The following LRRC8C variants were observed in gnomAD, a reference collection of about 807,000 sequenced individuals.
LRRC8C encodes the protein volume-regulated anion channel subunit LRRC8C.
In LRRC8C, 20 loss-of-function variants were observed where a neutral mutation model predicts 55.3. That is an observed-to-expected ratio of 0.36 (90% CI 0.25 to 0.53). LRRC8C has a LOEUF of 0.53. LRRC8C is among the 20% of genes least tolerant of loss of function. The pLI, the probability that LRRC8C is intolerant of heterozygous loss-of-function variation, is 0.92. For missense variants in LRRC8C, 659 were observed against 951.4 expected, an observed-to-expected ratio of 0.69 and a Z score of 4.04; for synonymous variants, 376 against 360.7, an observed-to-expected ratio of 1.04 and a Z score of -0.48.
intron 1 of LRRC8C, among the ~76,000 whole-genome samples, chr1:89,635,149 A>C (rs1360901627): frequency 6.6e-6 from 1 of 152,198 alleles, no homozygotes; most frequent in East Asian, 1.9e-4. Context: ...AAAATGTTGC[A>C]CTTTATTTCC....
intron 1 of LRRC8C, among the ~76,000 whole-genome samples, chr1:89,674,567 A>G (rs1207857774): frequency 2.6e-5 from 4 of 152,200 alleles, no homozygotes; most frequent in African/African-American, 4.8e-5. Flanking sequence ...ATTTTTAGGT[A>G]CATTCTTATC....
chr1:89,651,841 A>G (rs1295094150), intron 1 of LRRC8C, among the ~76,000 whole-genome samples: 1 of 152,200 alleles, frequency 6.6e-6, no homozygotes, highest in East Asian at 1.9e-4. Context: ...ACATCAAAAT[A>G]AAACAATATT....
the LRRC8C span, among the ~76,000 whole-genome samples, chr1:89,616,196 A>C: frequency 6.6e-6 from 1 of 152,178 alleles, no homozygotes; most frequent in African/African-American, 2.4e-5. Context: ...AGGAAGATTT[A>C]TTAATGACAA....
intron 1 of LRRC8C, among the ~76,000 whole-genome samples, chr1:89,672,476 T>C (rs957446846): frequency 6.6e-5 from 10 of 152,216 alleles, no homozygotes; most frequent in Admixed American, 1.3e-4. Context: ...CTAATACTTA[T>C]AGAAAGAATA....
rs567241281 is a variant in LRRC8C at position 89,711,842 on chromosome 1, T to A, written c.139-867T>A. Among the ~76,000 whole-genome samples, 5 of 152,362 alleles carry A rather than the reference T, an allele frequency of 3.3e-5. No homozygotes were observed. In the South Asian group the frequency reaches 1.0e-3, roughly 32 times the overall value. On this transcript the variant is annotated intron_variant, in intron 2 of 2. Transcript: ENST00000370454. ...ACTGTTGAACACTTCTGTATTTTTT[T>A]ATCTCTCTCTGAAGGAAGAGTTTTT...
chr1:89,682,094 G>A (rs1397539265), intron 1 of LRRC8C, among the ~76,000 whole-genome samples: 16 of 152,124 alleles, frequency 1.1e-4, no homozygotes, highest in Admixed American at 7.8e-4. Flanking sequence ...GGAAAATGGC[G>A]TGAACCCGGG....
chr1:89,640,730 A>G (rs1656431521), intron 1 of LRRC8C, among the ~76,000 whole-genome samples: 1 of 152,200 alleles, frequency 6.6e-6, no homozygotes, highest in Non-Finnish European at 1.5e-5. Context: ...AGCTGGAGGT[A>G]TGTCCAGGGT....
At position 89,713,629 on chromosome 1, in the gene LRRC8C, T is replaced by C. The variant is rs778202494; in HGVS notation, c.1059T>C (p.Tyr353=). The part of the protein sequence containing the change: ...YRSLREYSFE[Y]VRQETGIDDI... The stretch of plus-strand genomic sequence containing the variant: ...CTCTACGGGAATATTCCTTTGAGTA[T>C]GTCCGTCAGGAGACTGGAATTGATG... The change falls in exon 3 of 3, where the codon TAT becomes TAC. Residue 353 remains tyrosine, a synonymous_variant. Coordinates refer to ENST00000370454, the MANE Select transcript of LRRC8C (RefSeq NM_032270.5). This position sits in a 1 kb window ranked among gnomAD's most constrained non-coding sequence, Gnocchi z 5.2. The C allele has an allele frequency of 5.6e-6, 9 of 1,614,206 alleles. No homozygotes were observed. In the East Asian group the frequency reaches 2.0e-4, roughly 36 times the overall value.
At chr1:89,704,623 G>C (rs924084728) in intron 2 of LRRC8C, among the ~76,000 whole-genome samples, 11 of 152,128 alleles carry the variant, frequency 7.2e-5, no homozygotes, top group African/African-American at 2.7e-4. Flanking sequence ...AAAGGGAAAG[G>C]GAGGACTCTA....
chr1:89,706,236 T>C (rs996009309), intron 2 of LRRC8C: 16 of 453,696 alleles, frequency 3.5e-5, no homozygotes, highest in Non-Finnish European at 5.3e-5. Context: ...ATTCAGCATT[T>C]ATGTTCTACA....
intron 1 of LRRC8C, among the ~76,000 whole-genome samples, chr1:89,647,088 A>G (rs1656633991): frequency 6.6e-6 from 1 of 152,184 alleles, no homozygotes; most frequent in Non-Finnish European, 1.5e-5. Flanking sequence ...CTTTCCCCAT[A>G]ATGTGAGTGC....
chr1:89,695,187 G>A (rs1423326840), intron 2 of LRRC8C, among the ~76,000 whole-genome samples: 1 of 152,124 alleles, frequency 6.6e-6, no homozygotes, highest in African/African-American at 2.4e-5. Context: ...CTCCCAAAGT[G>A]CTGGGATTAC....
In LRRC8C at chr1:89,714,217, C is replaced by CA; in HGVS notation, c.1651dup (p.Ser551LysfsTer12). The CA allele has an allele frequency of 1.2e-6, 2 of 1,614,074 alleles. No individual in the cohort carries two copies. Among genetic ancestry groups the CA allele is most frequent in the Non-Finnish European group, 1.7e-6 (2 of 1,180,004 alleles). On this transcript the variant is annotated frameshift_variant, in exon 3 of 3. Coordinates refer to ENST00000370454, the MANE Select transcript of LRRC8C (RefSeq NM_032270.5). LOFTEE classifies it high-confidence loss of function. The surrounding 1 kb of genome is among the most constrained non-coding windows in gnomAD (Gnocchi z 4.6). ...TCAAAAGCCTTAAAATTCTCTCTATCAAAAGCAACGTTTCCAAAATCCCTC... is the reference window on the plus strand; with the variant it reads ...TCAAAAGCCTTAAAATTCTCTCTATCAAAAAGCAACGTTTCCAAAATCCCTC...
intron 2 of LRRC8C, among the ~76,000 whole-genome samples, chr1:89,693,532 C>A (rs1658080075): frequency 6.6e-6 from 1 of 150,780 alleles, no homozygotes; most frequent in South Asian, 2.1e-4. Context: ...GAAATTCTTA[C>A]TTAGAATCAG....
intron 1 of LRRC8C, among the ~76,000 whole-genome samples, chr1:89,665,314 A>G (rs10801768): frequency 0.35 from 53,306 of 151,908 alleles, 9,324 homozygotes; most frequent in Admixed American, 0.38. Flanking sequence ...ATTAATACCT[A>G]GTTTATTGAG....
At chr1:89,644,890 G>GTA (rs1656571723) in intron 1 of LRRC8C, among the ~76,000 whole-genome samples, 1 of 152,178 alleles carries the variant, frequency 6.6e-6, no homozygotes, top group African/African-American at 2.4e-5. Flanking sequence ...TTTAGTTTCA[G>GTA]TATAACCGAG....
chr1:89,702,417 G>A (rs1454890135), intron 2 of LRRC8C, among the ~76,000 whole-genome samples: 5 of 151,970 alleles, frequency 3.3e-5, no homozygotes, highest in Non-Finnish European at 7.4e-5. Context: ...ACAGAGAGTG[G>A]TTAAAAAGAT....
Position 89,660,652 on chromosome 1 carries a change from T to C in LRRC8C, c.-4-25818T>C, listed in dbSNP as rs536929255. 3.3e-5 allele frequency among the ~76,000 whole-genome samples: 5 copies of C among 152,344 alleles called. No homozygotes were observed. The South Asian group carries it at 8.3e-4, about 25-fold the overall frequency. Reference sequence around the variant, plus strand: ...CATGTGTTTTCCCTTTGAAAACATGTGCACTTTCTGCATTTCAGTAAGTAA... The same window carrying C: ...CATGTGTTTTCCCTTTGAAAACATGCGCACTTTCTGCATTTCAGTAAGTAA... On this transcript the variant is annotated intron_variant, in intron 1 of 2. Transcript: ENST00000370454.
At chr1:89,655,303 C>A (rs1351093887) in intron 1 of LRRC8C, among the ~76,000 whole-genome samples, 1 of 151,952 alleles carries the variant, frequency 6.6e-6, no homozygotes, top group Non-Finnish European at 1.5e-5. Context: ...CTTGCTAGCT[C>A]TCTGAGAATA....
Sources: allele counts gnomAD v4.1 joint callset (sites outside exome capture counted in the v4.1 genomes callset), GRCh38; gene constraint gnomAD v4.1.1; non-coding constraint Gnocchi (gnomAD v3.1); transcripts MANE v1.5; gene names NCBI Gene and HGNC (gene_info 2026-07-23, HGNC 2026-07-21).